Variants in FAM193B observed in about 807,000 individuals in gnomAD.
The protein encoded by FAM193B is protein FAM193B.
A neutral mutation model predicts 70.7 loss-of-function variants in FAM193B; 27 were observed. The ratio of observed to expected loss-of-function variants is 0.38; its 90% CI spans 0.28 to 0.53. The LOEUF is 0.53. Among genes scored for constraint, FAM193B ranks in the 20% least tolerant of loss-of-function variants. The pLI is 0.81. For synonymous variants in FAM193B, 448 were observed against 436.0 expected, an observed-to-expected ratio of 1.03 and a Z score of -0.34; for missense variants, 1,022 against 1,072.5, an observed-to-expected ratio of 0.95 and a Z score of 0.66.
chr5:177,528,528 AG>A (rs1762969900), intron 5 of FAM193B, among the ~76,000 whole-genome samples: 4 of 152,214 alleles, frequency 2.6e-5, no homozygotes, highest in Admixed American at 2.6e-4. Context: ...TGCTGGGCTG[AG>A]GGGTCAAGAA....
chr5:177,537,794 T>G, intron 3 of FAM193B, 79 bp downstream of exon 3: 1 of 1,485,390 alleles, frequency 6.7e-7, no homozygotes, highest in Admixed American at 2.4e-5. Flanking sequence ...GTCTTATGAT[T>G]TGTTTGAACA....
intron 1 of FAM193B, among the ~76,000 whole-genome samples, chr5:177,541,556 C>A (rs113570203): frequency 6.6e-6 from 1 of 152,248 alleles, no homozygotes; most frequent in African/African-American, 2.4e-5. Context: ...GTAGCCGGGA[C>A]TACAGGTGCC....
chr5:177,542,925 T>C (rs73336022), intron 1 of FAM193B, among the ~76,000 whole-genome samples: 25 of 152,210 alleles, frequency 1.6e-4, no homozygotes, highest in African/African-American at 6.0e-4. Context: ...CAGTGGGCCA[T>C]GTGGTAGAGA....
intron 1 of FAM193B, among the ~76,000 whole-genome samples, chr5:177,550,460 TACTG>T (rs1249272290): frequency 2.6e-5 from 4 of 152,256 alleles, no homozygotes. Flanking sequence ...TTATTAAAGA[TACTG>T]ACTAATCATC....
chr5:177,537,302 A>G (rs781002529), intron 3 of FAM193B, among the ~76,000 whole-genome samples: 2 of 152,260 alleles, frequency 1.3e-5, no homozygotes, highest in Admixed American at 6.5e-5. Flanking sequence ...TCCTTCATTT[A>G]GAAGTATGAC....
rs560917877 is a variant in FAM193B at position 177,539,909 on chromosome 5, C to A, written c.211-762G>T. 4.6e-5 allele frequency among the ~76,000 whole-genome samples: 7 copies of A among 152,300 alleles called. No individual in the cohort carries two copies. The East Asian group carries it at 1.3e-3, about 29-fold the overall frequency. On this transcript the variant is annotated intron_variant, in intron 1 of 8. Transcript: ENST00000514747. ...TGCAGAGTTGTTGTAAGGATCATCA[C>A]TGCGTAGCAGGTAAAGTGTCTACCC...
At chr5:177,521,931 G>A in intron 8 of FAM193B, 43 bp downstream of exon 8, 1 of 1,510,894 alleles carries the variant, frequency 6.6e-7, no homozygotes, top group Admixed American at 1.7e-5. Flanking sequence ...GGGTGGCCAA[G>A]CACAGGGAGA....
intron 4 of FAM193B, among the ~76,000 whole-genome samples, chr5:177,534,291 A>ATTTT (rs372141424): frequency 3.0e-5 from 4 of 134,800 alleles, no homozygotes; most frequent in Non-Finnish European, 4.7e-5. Flanking sequence ...AGCAAAACTG[A>ATTTT]TTTTTTTTTT....
rs1172654530 is a variant in FAM193B, at chr5:177,524,925, T to A, written c.1556A>T (p.Asn519Ile). Reference sequence around the variant, plus strand: ...CTGCTGCTCTGAGGAGCCACTGAGGTTTGAGGGGGGTAGACTCTGAGGCTC... The same window carrying A: ...CTGCTGCTCTGAGGAGCCACTGAGGATTGAGGGGGGTAGACTCTGAGGCTC... The part of the protein sequence containing the change: ...EPEPQSLPPS[N>I]LSGSSEQQPD... The change falls in exon 6 of 9, where the codon AAC becomes ATC. Residue 519 changes from asparagine (N) to isoleucine (I), a missense_variant. Physicochemically the swap from Asn to Ile is moderately radical, Grantham distance 149. Transcript: ENST00000514747. 1.5e-5 allele frequency: 22 copies of A among 1,507,524 alleles called. No individual in the cohort carries two copies. The highest frequency in any genetic ancestry group is 1.9e-5 in the Non-Finnish European group (22 of 1,129,780). The allele number at this position is 1,507,524 out of a possible 1,614,324, so 93.4% of individuals were successfully genotyped here. A position where few individuals can be genotyped will look rare whatever the true frequency, so the allele number is the denominator to read the frequency against.
intron 4 of FAM193B, among the ~76,000 whole-genome samples, chr5:177,533,928 T>C (rs1244929629): frequency 6.6e-6 from 1 of 152,244 alleles, no homozygotes; most frequent in Non-Finnish European, 1.5e-5. Flanking sequence ...CACTGGGATA[T>C]CTTGTAATAC....
At chr5:177,534,091 C>T (rs1763879319) in intron 4 of FAM193B, among the ~76,000 whole-genome samples, 1 of 152,148 alleles carries the variant, frequency 6.6e-6, no homozygotes, top group Non-Finnish European at 1.5e-5. Flanking sequence ...GGCAGGGGAA[C>T]TGAGAGCAAG....
intron 1 of FAM193B, 32 bp downstream of exon 1, chr5:177,554,217 C>T: frequency 6.7e-7 from 1 of 1,487,970 alleles, no homozygotes; most frequent in South Asian, 1.2e-5. Context: ...TGAAAGCGCC[C>T]GAGCCGCCGA....
chr5:177,551,926 C>T (rs1581952324), intron 1 of FAM193B: 2 of 646,902 alleles, frequency 3.1e-6, no homozygotes, highest in Non-Finnish European at 3.8e-6. Context: ...AGCCTGCTTC[C>T]AGACCCCACC....
chr5:177,554,501 C>CCGA lies in FAM193B; in HGVS notation c.-44_-43insTCG. ...TCCCTCGCTCCACACGCCGCCGCCG[C>CCGA]CGCCGCCGCCGCCGCCGCCGCCGCC... is the stretch of plus-strand genomic sequence containing the variant. On this transcript the variant is annotated 5_prime_UTR_variant, in exon 1 of 9. Transcript: ENST00000514747. 1 of 801,808 alleles carries CCGA rather than the reference C, an allele frequency of 1.2e-6. No homozygotes were observed. Among genetic ancestry groups the CCGA allele is most frequent in the Middle Eastern group, 6.3e-4 (1 of 1,586 alleles). 49.7% of individuals were successfully genotyped at this position (801,808 alleles called of 1,614,324 possible).
intron 5 of FAM193B, among the ~76,000 whole-genome samples, chr5:177,528,304 C>G (rs1762930658): frequency 6.6e-6 from 1 of 152,154 alleles, no homozygotes; most frequent in African/African-American, 2.4e-5. Context: ...AGAAAACCGC[C>G]TGCAATGAGC....
At chr5:177,547,280 T>A (rs995041900) in intron 1 of FAM193B, 1 of 71,186 alleles carries the variant, frequency 1.4e-5, no homozygotes, top group Non-Finnish European at 2.8e-5. Flanking sequence ...CAAACCAAAT[T>A]TATTTCTTTT....
At chr5:177,548,793 A>G (rs190404884) in intron 1 of FAM193B, among the ~76,000 whole-genome samples, 1 of 152,320 alleles carries the variant, frequency 6.6e-6, no homozygotes, top group East Asian at 1.9e-4. Context: ...AATGTATTGA[A>G]GCACATCACG....
rs755885622 is a variant in FAM193B, at chr5:177,524,470, G to C, written c.2011C>G (p.Pro671Ala). ...TCTAGGACCCTGCCTGGCTGCTTGG[G>C]GCCAGCGACCTGGCCCTTGGCACTG... ...VPSAKGQVAG[P>A]KQPGRVLELP... Residue 671 changes from proline (P) to alanine (A), a missense_variant, in exon 6 of 9, where the codon CCC (proline) becomes GCC (alanine). Pro to Ala is a conservative substitution (Grantham distance 27). Transcript: ENST00000514747. 24 of 1,611,974 alleles carry C rather than the reference G, an allele frequency of 1.5e-5. No individual in the cohort carries two copies. The highest frequency in any genetic ancestry group is 2.5e-6 in the Non-Finnish European group (3 of 1,179,224).
chr5:177,541,390 A>C (rs557585190), intron 1 of FAM193B, among the ~76,000 whole-genome samples: 1 of 152,282 alleles, frequency 6.6e-6, no homozygotes, highest in African/African-American at 2.4e-5. Context: ...ACATACAATT[A>C]AAATCTTGTA....
Sources: allele counts gnomAD v4.1 joint callset (sites outside exome capture counted in the v4.1 genomes callset), GRCh38; gene constraint gnomAD v4.1.1; transcripts MANE v1.5; gene names NCBI Gene and HGNC (gene_info 2026-07-23, HGNC 2026-07-21).